The following CORIN variants were observed in gnomAD, a reference collection of about 807,000 sequenced individuals.
CORIN encodes corin, serine peptidase, also known as atrial natriuretic peptide-converting enzyme.
Under a neutral mutation model 125.3 loss-of-function variants are expected in CORIN, and 117 were observed. The ratio of observed to expected loss-of-function variants is 0.93; its 90% CI spans 0.80 to 1.09. The LOEUF (loss-of-function observed/expected upper bound fraction) is 1.09. CORIN is among the 50% of genes least tolerant of loss of function. The probability of loss-of-function intolerance (pLI) is 0.00; values close to 1 mark genes in which losing one functional copy is unlikely to be tolerated. For synonymous variants in CORIN, 450 were observed against 466.4 expected (o/e 0.96, Z 0.45); for missense variants, 1,253 against 1,306.7 (o/e 0.96, Z 0.63).
chr4:47,794,352 A>C (rs941989230), intron 2 of CORIN, among the ~76,000 whole-genome samples: 1 of 152,162 alleles, frequency 6.6e-6, no homozygotes, highest in African/African-American at 2.4e-5. Context: ...ATTTCTGAAG[A>C]GAAATATTTT....
At chr4:47,646,766 T>G (rs1723506615) in intron 13 of CORIN, among the ~76,000 whole-genome samples, 1 of 152,232 alleles carries the variant, frequency 6.6e-6, no homozygotes, top group African/African-American at 2.4e-5. Flanking sequence ...AAATATAATT[T>G]ATTTTAAGGT....
chr4:47,812,317 G>A (rs938723704), intron 1 of CORIN, among the ~76,000 whole-genome samples: 1 of 152,052 alleles, frequency 6.6e-6, no homozygotes, highest in African/African-American at 2.4e-5. Flanking sequence ...GGACAATATA[G>A]TGAGACCTCA....
chr4:47,736,624 T>C (rs952820924), intron 5 of CORIN, among the ~76,000 whole-genome samples: 2 of 152,214 alleles, frequency 1.3e-5, no homozygotes, highest in Non-Finnish European at 2.9e-5. Context: ...CCTGATCCTT[T>C]TTCTCCTCCT....
chr4:47,624,163 G>T (rs972365550), intron 17 of CORIN, among the ~76,000 whole-genome samples: 2 of 152,100 alleles, frequency 1.3e-5, no homozygotes, highest in Non-Finnish European at 2.9e-5. Context: ...GTTGTAGGCA[G>T]GAGTATATGG....
At chr4:47,606,164 G>C (rs1254292222) in intron 19 of CORIN, among the ~76,000 whole-genome samples, 2 of 152,182 alleles carry the variant, frequency 1.3e-5, no homozygotes, top group Non-Finnish European at 2.9e-5. Context: ...TTGTAATTGA[G>C]TGAAGGTAGA....
At chr4:47,818,522 A>T (rs901875364) in intron 1 of CORIN, among the ~76,000 whole-genome samples, 2 of 152,230 alleles carry the variant, frequency 1.3e-5, no homozygotes, top group Non-Finnish European at 2.9e-5. Flanking sequence ...GCAGTTTTTT[A>T]AAAGCTGCAG....
intron 3 of CORIN, among the ~76,000 whole-genome samples, chr4:47,782,300 G>A (rs896058809): frequency 1.3e-5 from 2 of 150,890 alleles, no homozygotes; most frequent in African/African-American, 2.4e-5. Context: ...CAGGAGAATC[G>A]CCTGAACCCA....
chr4:47,750,837 T>C (rs1345528736), intron 4 of CORIN, among the ~76,000 whole-genome samples: 9 of 151,704 alleles, frequency 5.9e-5, no homozygotes, highest in Admixed American at 5.9e-4. Flanking sequence ...CTGGGAAGAG[T>C]TAGGATGGAG....
At chr4:47,800,095 G>A (rs571226523) in intron 2 of CORIN, among the ~76,000 whole-genome samples, 1 of 152,142 alleles carries the variant, frequency 6.6e-6, no homozygotes, top group East Asian at 1.9e-4. Flanking sequence ...GAGGAGATGG[G>A]GAGAGATTGC....
chr4:47,769,509 A>C (rs1487248465), intron 3 of CORIN, among the ~76,000 whole-genome samples: 3 of 152,096 alleles, frequency 2.0e-5, no homozygotes. Context: ...ACATTTTTCA[A>C]AGAAATACAA....
At chr4:47,715,947 G>A (rs183887292) in intron 5 of CORIN, among the ~76,000 whole-genome samples, 25 of 152,282 alleles carry the variant, frequency 1.6e-4, no homozygotes. Flanking sequence ...TCTAAACTTT[G>A]CATCTGTTTG....
At position 47,746,074 on chromosome 4, in the gene CORIN, AT is replaced by A. The variant is rs1294334059; in HGVS notation, c.618-1492del. Among the ~76,000 whole-genome samples the A allele has an allele frequency of 5.9e-5, 9 of 152,348 alleles. No individual in the cohort carries two copies. The South Asian group carries it at 1.9e-3, about 32-fold the overall frequency. ...AATTGGTTCAGGCAAGTTTCTTGGT[AT>A]AAAGAAGACACCCGAAATATATTAG... On this transcript the variant is annotated intron_variant, in intron 4 of 21. Transcript: ENST00000273857.
At chr4:47,644,527 C>G (rs983885530) in intron 14 of CORIN, among the ~76,000 whole-genome samples, 10 of 152,140 alleles carry the variant, frequency 6.6e-5, no homozygotes, top group Non-Finnish European at 2.9e-5. Flanking sequence ...TAATTATTTT[C>G]TGGCTCTAAA....
intron 19 of CORIN, among the ~76,000 whole-genome samples, chr4:47,621,332 G>A (rs1043508224): frequency 1.3e-5 from 2 of 152,190 alleles, no homozygotes; most frequent in African/African-American, 4.8e-5. Flanking sequence ...CTCATACAGA[G>A]AGGAACTGAG....
intron 2 of CORIN, among the ~76,000 whole-genome samples, chr4:47,787,239 C>T (rs1730856891): frequency 6.6e-6 from 1 of 152,102 alleles, no homozygotes; most frequent in South Asian, 2.1e-4. Context: ...GTAATTCTAC[C>T]TCACCTGAGA....
chr4:47,653,181 T>C (rs1723812784), intron 13 of CORIN, among the ~76,000 whole-genome samples: 1 of 152,208 alleles, frequency 6.6e-6, no homozygotes, highest in Admixed American at 6.5e-5. Flanking sequence ...TAATCTCTCA[T>C]TGTGCCTAAT....
rs545453665 is a variant in CORIN at position 47,657,395 on chromosome 4, C to A, written c.1736-3735G>T. Reference sequence around the variant, plus strand: ...AAAAATACAAAAAAAATTAGCCAGGCATGATGGCGAGCACCTATAGTCCCA... The same window carrying A: ...AAAAATACAAAAAAAATTAGCCAGGAATGATGGCGAGCACCTATAGTCCCA... On this transcript the variant is annotated intron_variant, in intron 12 of 21. Transcript: ENST00000273857. 5.3e-5 allele frequency among the ~76,000 whole-genome samples: 8 copies of A among 151,924 alleles called. No homozygotes were observed. In the South Asian group the frequency reaches 1.7e-3, roughly 32 times the overall value.
intron 19 of CORIN, among the ~76,000 whole-genome samples, chr4:47,618,478 T>C (rs879545485): frequency 7.3e-5 from 11 of 151,530 alleles, no homozygotes; most frequent in Non-Finnish European, 1.5e-4. Context: ...GTGAAAAGAC[T>C]GAAGTGAGAA....
intron 1 of CORIN, among the ~76,000 whole-genome samples, chr4:47,818,854 C>T (rs61758476): frequency 1.6e-5 from 2 of 121,542 alleles, no homozygotes; most frequent in African/African-American, 6.5e-5. Context: ...GCCTAAGTGA[C>T]AGAGAAAGAT....
Sources: allele counts gnomAD v4.1 joint callset (sites outside exome capture counted in the v4.1 genomes callset), GRCh38; gene constraint gnomAD v4.1.1; transcripts MANE v1.5; gene names NCBI Gene and HGNC (gene_info 2026-07-23, HGNC 2026-07-21).